Variants in RASGRP1 observed in about 807,000 individuals in gnomAD.
RASGRP1 encodes RAS guanyl-releasing protein 1.
In RASGRP1, 37 loss-of-function variants were observed where a neutral mutation model predicts 95.1. That is an observed-to-expected ratio of 0.39 (90% CI 0.30 to 0.51). The LOEUF (loss-of-function observed/expected upper bound fraction) is 0.51. RASGRP1 is among the 20% of genes least tolerant of loss of function. RASGRP1 has a pLI of 0.80. For synonymous variants in RASGRP1, 325 were observed against 353.4 expected (o/e 0.92, Z 0.90); for missense variants, 711 against 965.4 (o/e 0.74, Z 3.49).
At chr15:38,510,129 C>G (rs1258921555) in intron 8 of RASGRP1, among the ~76,000 whole-genome samples, 1 of 152,202 alleles carries the variant, frequency 6.6e-6, no homozygotes, top group East Asian at 1.9e-4. Flanking sequence ...TGCTTCAACC[C>G]TGGACTTACT....
intron 2 of RASGRP1, among the ~76,000 whole-genome samples, chr15:38,555,056 A>T (rs1369001972): frequency 6.6e-6 from 1 of 152,216 alleles, no homozygotes; most frequent in African/African-American, 2.4e-5. Context: ...GCACAGACCA[A>T]GTTGCAGAGT....
Position 38,512,975 on chromosome 15 carries a change from C to A in RASGRP1, c.676-19G>T, listed in dbSNP as rs367960976. 1.3e-5 allele frequency: 19 copies of A among 1,486,596 alleles called. No homozygotes were observed. The Admixed American group carries it at 1.6e-4, about 12-fold the overall frequency. The allele number at this position is 1,486,596 out of a possible 1,614,324, so 92.1% of individuals were successfully genotyped here. ...CAGAGAACTGCAGGAAAAGAAACAA[C>A]AACAACAAAAAAAACCTATCAGTAC... is the stretch of plus-strand genomic sequence containing the variant. On this transcript the variant is annotated intron_variant, in intron 6 of 16. Transcript: ENST00000310803.
intron 14 of RASGRP1, 78 bp downstream of exon 14, chr15:38,500,025 C>T (rs939982551): frequency 4.2e-6 from 6 of 1,435,154 alleles, no homozygotes; most frequent in Non-Finnish European, 5.8e-6. Flanking sequence ...TATAAATTAC[C>T]CAGTCTCAGG....
chr15:38,506,129 A>ATCTC (rs5812040), intron 9 of RASGRP1, among the ~76,000 whole-genome samples: 7 of 21,128 alleles, frequency 3.3e-4, no homozygotes, highest in Non-Finnish European at 5.6e-4. Flanking sequence ...TTTTGGACAT[A>ATCTC]GGATGCCCTC....
At chr15:38,500,322 AG>A (rs1890962093) in intron 13 of RASGRP1, among the ~76,000 whole-genome samples, 183 bp from the exon 14 acceptor site, 1 of 151,568 alleles carries the variant, frequency 6.6e-6, no homozygotes, top group African/African-American at 2.4e-5. Flanking sequence ...TGCTGATCAA[AG>A]TTTCTCAAGA....
At chr15:38,548,537 G>C (rs1358368231) in intron 2 of RASGRP1, among the ~76,000 whole-genome samples, 1 of 152,218 alleles carries the variant, frequency 6.6e-6, no homozygotes, top group Non-Finnish European at 1.5e-5. Context: ...TGGCATCACT[G>C]TGTTCCATCC....
intron 10 of RASGRP1, chr15:38,503,778 G>A (rs1455026170): frequency 9.5e-6 from 2 of 210,008 alleles, no homozygotes; most frequent in Non-Finnish European, 1.9e-5. Context: ...AAGGCAGGAA[G>A]GCACAAGAAA....
chr15:38,499,396 T>A (rs1419220113), intron 14 of RASGRP1, among the ~76,000 whole-genome samples: 1 of 152,250 alleles, frequency 6.6e-6, no homozygotes, highest in Non-Finnish European at 1.5e-5. Context: ...ATCATTTATC[T>A]TCTGTTGCAG....
chr15:38,509,264 C>T (rs981951950), intron 8 of RASGRP1, among the ~76,000 whole-genome samples: 3 of 152,074 alleles, frequency 2.0e-5, no homozygotes, highest in Non-Finnish European at 4.4e-5. Context: ...CACTGTGAGG[C>T]CATTATTAAA....
At chr15:38,564,118 C>T (rs2141205664) in intron 1 of RASGRP1, among the ~76,000 whole-genome samples, 1 of 152,350 alleles carries the variant, frequency 6.6e-6, no homozygotes, top group Admixed American at 6.5e-5. Flanking sequence ...GGGGCAGGGG[C>T]AACCGAGGGG....
At chr15:38,561,616 A>G (rs563467499) in intron 1 of RASGRP1, among the ~76,000 whole-genome samples, 1 of 152,362 alleles carries the variant, frequency 6.6e-6, no homozygotes, top group Non-Finnish European at 1.5e-5. Flanking sequence ...GGGGCCACTC[A>G]GTACACAGCT....
At chr15:38,515,787 CCT>C (rs1491425031) in intron 6 of RASGRP1, among the ~76,000 whole-genome samples, 4 of 146,746 alleles carry the variant, frequency 2.7e-5, no homozygotes, top group African/African-American at 5.1e-5. Flanking sequence ...CACCCCCCCC[CCT>C]TTTTTTTTTT....
intron 4 of RASGRP1, 107 bp from the exon 5 acceptor site, chr15:38,518,530 CAA>C: frequency 1.6e-6 from 2 of 1,241,314 alleles, no homozygotes; most frequent in South Asian, 2.8e-5. Flanking sequence ...CAGAAAAAGA[CAA>C]AGTCTGATTC....
chr15:38,535,889 G>T (rs559508411), intron 2 of RASGRP1, among the ~76,000 whole-genome samples: 1 of 152,348 alleles, frequency 6.6e-6, no homozygotes, highest in African/African-American at 2.4e-5. Flanking sequence ...AGTCTCAGAA[G>T]TCAGGAGGGA....
intron 1 of RASGRP1, 66 bp from the exon 2 acceptor site, chr15:38,560,071 G>A (rs747746705): frequency 7.2e-7 from 1 of 1,385,454 alleles, no homozygotes; most frequent in Non-Finnish European, 1.0e-6. Flanking sequence ...GCAGATTGGA[G>A]AGGAAGGGAA....
chr15:38,499,760 A>G (rs1194310133), intron 14 of RASGRP1, among the ~76,000 whole-genome samples: 2 of 152,176 alleles, frequency 1.3e-5, no homozygotes, highest in African/African-American at 4.8e-5. Flanking sequence ...CATAATCCCC[A>G]TGTGTCATGG....
intron 9 of RASGRP1, among the ~76,000 whole-genome samples, chr15:38,506,127 A>ATACCT (rs1011073923): frequency 3.7e-5 from 3 of 80,956 alleles, no homozygotes; most frequent in African/African-American, 1.5e-4. Flanking sequence ...AATTTTGGAC[A>ATACCT]TAGGATGCCC....
At chr15:38,528,912 A>G (rs959250397) in intron 2 of RASGRP1, among the ~76,000 whole-genome samples, 6 of 152,034 alleles carry the variant, frequency 3.9e-5, no homozygotes, top group East Asian at 3.9e-4. Context: ...AAAACTCCTG[A>G]TCTCTCCCTC....
At chr15:38,491,741 T>C (rs1408116631) in intron 16 of RASGRP1, among the ~76,000 whole-genome samples, 1 of 152,210 alleles carries the variant, frequency 6.6e-6, no homozygotes, top group Non-Finnish European at 1.5e-5. Flanking sequence ...TAATTGTTCC[T>C]CTAAAATACA....
Sources: allele counts gnomAD v4.1 joint callset (sites outside exome capture counted in the v4.1 genomes callset), GRCh38; gene constraint gnomAD v4.1.1; transcripts MANE v1.5; gene names NCBI Gene and HGNC (gene_info 2026-07-23, HGNC 2026-07-21).